GATM: variants seen among roughly 807,000 people sequenced by gnomAD.
GATM encodes the protein glycine amidinotransferase, mitochondrial.
In GATM, 23 loss-of-function variants were observed where a neutral mutation model predicts 54.2. The ratio of observed to expected loss-of-function variants is 0.42; its 90% CI spans 0.31 to 0.60. The LOEUF (loss-of-function observed/expected upper bound fraction) is 0.60, where lower values mean the gene tolerates loss of function less well. Ranked by LOEUF, GATM falls within the 20% of genes least tolerant of loss-of-function variation. The probability of loss-of-function intolerance (pLI) is 0.14; values close to 1 mark genes in which losing one functional copy is unlikely to be tolerated. For synonymous variants in GATM, 168 were observed against 183.1 expected, an observed-to-expected ratio of 0.92 and a Z score of 0.67; for missense variants, 401 against 544.9, an observed-to-expected ratio of 0.74 and a Z score of 2.63.
At chr15:45,396,725 C>T (rs182070721) in intron 3 of GATM, among the ~76,000 whole-genome samples, 40 of 151,878 alleles carry the variant, frequency 2.6e-4, no homozygotes, top group Admixed American at 1.6e-3. Flanking sequence ...AAAAATTAGC[C>T]GGGCGTGGCA....
chr15:45,378,169 C>T (rs896169624), intron 1 of GATM: 4 of 481,382 alleles, frequency 8.3e-6, no homozygotes, highest in South Asian at 2.9e-5. Context: ...AACGCAAGTT[C>T]CCCCTGACTG....
chr15:45,402,046 C>A (rs1013361685), exon 1 of GATM: 9 of 216,948 alleles, frequency 4.1e-5, no homozygotes, highest in African/African-American at 2.1e-4. Context: ...GGCGGTAGTA[C>A]TGATGCTCCA....
chr15:45,374,209 T>C (rs1311508783), intron 2 of GATM, among the ~76,000 whole-genome samples: 1 of 152,222 alleles, frequency 6.6e-6, no homozygotes. Flanking sequence ...CAAGTTTTTA[T>C]CAAATACCTA....
At chr15:45,387,087 G>A (rs1889812702) in intron 3 of GATM, among the ~76,000 whole-genome samples, 1 of 152,232 alleles carries the variant, frequency 6.6e-6, no homozygotes, top group Non-Finnish European at 1.5e-5. Context: ...GATGGAAATG[G>A]AATGACCTGT....
intron 3 of GATM, among the ~76,000 whole-genome samples, chr15:45,387,486 AG>A (rs1889816584): frequency 6.6e-6 from 1 of 152,020 alleles, no homozygotes; most frequent in Non-Finnish European, 1.5e-5. Context: ...TAACATCTCC[AG>A]AAGAATGAAG....
upstream of GATM, chr15:45,378,696 C>A: frequency 2.6e-6 from 1 of 389,502 alleles, no homozygotes. Context: ...TGGCTCGAGC[C>A]TCCGATGCTT....
intron 3 of GATM, among the ~76,000 whole-genome samples, chr15:45,391,422 A>C (rs1889873273): frequency 6.6e-6 from 1 of 152,182 alleles, no homozygotes; most frequent in South Asian, 2.1e-4. Flanking sequence ...AAAAAACAAC[A>C]ACAACAAAAA....
rs187996576 is a variant in GATM, at chr15:45,365,059, T to C, written c.979-199A>G. ...TAAAAATGTACATAAAATCCCCAGATTAAAGTTAAAAAGTAACAGAAATGT... is the reference window on the plus strand; with the variant it reads ...TAAAAATGTACATAAAATCCCCAGACTAAAGTTAAAAAGTAACAGAAATGT... On this transcript the variant is annotated intron_variant, in intron 6 of 8. Transcript: ENST00000396659. 1.1e-3 allele frequency among the ~76,000 whole-genome samples: 170 copies of C among 152,336 alleles called. 2 individuals are homozygous for C. The highest frequency in any genetic ancestry group is 3.6e-3 in the African/African-American group (148 of 41,568).
Position 45,366,501 on chromosome 15 carries a change from G to C in GATM, c.683C>G (p.Pro228Arg). Reference sequence around the variant, plus strand: ...GTGTCTGTCTTCTACAGAGTGGATGGGATAATCCTAATTGGAACAAGAATG... The same window carrying C: ...GTGTCTGTCTTCTACAGAGTGGATGCGATAATCCTAATTGGAACAAGAATG... ...MADELYNQDY[P>R]IHSVEDRHKL... Residue 228 changes from proline to arginine, a missense_variant, in exon 5 of 9, where the codon CCC becomes CGC. Physicochemically the swap from Pro to Arg is moderately radical, Grantham distance 103. Coordinates refer to ENST00000396659, the MANE Select transcript of GATM (RefSeq NM_001482.3). 6.2e-7 allele frequency: 1 copy of C among 1,613,868 alleles called. No homozygotes were observed. The highest frequency in any genetic ancestry group is 8.5e-7 in the Non-Finnish European group (1 of 1,179,958).
At chr15:45,396,558 T>C (rs1022365611) in intron 3 of GATM, among the ~76,000 whole-genome samples, 3 of 152,166 alleles carry the variant, frequency 2.0e-5, no homozygotes, top group Middle Eastern at 3.4e-3. Flanking sequence ...TCCAAAGGTA[T>C]GGTATAGTCA....
At position 45,363,903 on chromosome 15, in the gene GATM, G is replaced by C; in HGVS notation, c.1156C>G (p.Leu386Val). ...EVPIQKMFEK[L>V]GITTIKVNIR... ...ATGTTTCATTTGTTGTACATACCCA[G>C]CTTTTCAAACATCTTTTGAATTGGA... is the stretch of plus-strand genomic sequence containing the variant. The change falls in exon 8 of 9, where the codon CTG (leucine) becomes GTG (valine). Residue 386 changes from leucine (L) to valine (V), a missense_variant. By Grantham distance (32) the Leu-to-Val change is conservative. Around this residue, in one of 3 missense-constraint regions of GATM, gnomAD observed 321 missense variants for 457.5 expected, o/e 0.70. Coordinates refer to ENST00000396659, the MANE Select transcript of GATM (RefSeq NM_001482.3). The C allele has an allele frequency of 6.3e-7, 1 of 1,585,466 alleles. No individual in the cohort carries two copies. The highest frequency in any genetic ancestry group is 1.7e-5 in the Admixed American group (1 of 59,960).
chr15:45,397,673 A>G (rs1021428145), intron 2 of GATM, among the ~76,000 whole-genome samples: 1 of 152,200 alleles, frequency 6.6e-6, no homozygotes, highest in Non-Finnish European at 1.5e-5. Context: ...TCCATGAGCC[A>G]TCCTAGTAAA....
chr15:45,378,434 A>G lies in GATM; in HGVS notation c.20T>C (p.Leu7Pro). 1 of 1,501,906 alleles carries G rather than the reference A, an allele frequency of 6.7e-7. No homozygotes were observed. The allele number at this position is 1,501,906 out of a possible 1,614,324, so 93.0% of individuals were successfully genotyped here. A position where few individuals can be genotyped will look rare whatever the true frequency, so the allele number is the denominator to read the frequency against. The change falls in exon 1 of 9, where the codon CTG becomes CCG. Residue 7 changes from leucine to proline, a missense_variant. By Grantham distance (98) the Leu-to-Pro change is moderately conservative. Transcript: ENST00000396659. ...CTCGGCGCCGCGGCTCCCGCCGCGC[A>G]GACACCGCACCCGCAGCATCGCCCT... MLRVRC[L>P]RGGSRGAEAV...
chr15:45,377,327 T>C (rs1889656207), intron 1 of GATM: 1 of 436,218 alleles, frequency 2.3e-6, no homozygotes, highest in East Asian at 7.0e-5. Flanking sequence ...GGACCTTATC[T>C]TTCAGAATAA....
intron 3 of GATM, among the ~76,000 whole-genome samples, chr15:45,392,928 A>G (rs1288212381): frequency 6.6e-6 from 1 of 152,244 alleles, no homozygotes; most frequent in Non-Finnish European, 1.5e-5. Flanking sequence ...TATGGTGATG[A>G]CATAGAACAA....
Position 45,392,096 on chromosome 15 carries a change from C to G in GATM, c.-319+4826G>C, listed in dbSNP as rs115961195. Reference sequence around the variant, plus strand: ...TAATAAGGATAATAATAGCATGTAACTCATAGAGTTATGATTAAATGAATT... The same window carrying G: ...TAATAAGGATAATAATAGCATGTAAGTCATAGAGTTATGATTAAATGAATT... On this transcript the variant is annotated intron_variant, in intron 3 of 4. Transcript: ENST00000561148. Among the ~76,000 whole-genome samples the G allele has an allele frequency of 3.3e-3, 508 of 152,272 alleles. 1 individual carries two copies. Among genetic ancestry groups the G allele is most frequent in the African/African-American group, 0.012 (485 of 41,540 alleles).
Position 45,377,596 on chromosome 15 carries a change from C to T in GATM, c.70-777G>A, listed in dbSNP as rs146847708. On this transcript the variant is annotated intron_variant, in intron 1 of 8. Transcript: ENST00000396659. ...CAACCCCTGAGCAAACCTCAACCCCCCAAATCTCTATCCTGCTCTGTTAAA... is the reference window on the plus strand; with the variant it reads ...CAACCCCTGAGCAAACCTCAACCCCTCAAATCTCTATCCTGCTCTGTTAAA... 5.6e-3 allele frequency: 1,532 copies of T among 274,738 alleles called. 22 individuals are homozygous for T. The highest frequency in any genetic ancestry group is 0.033 in the African/African-American group (1,467 of 43,954). 17.0% of individuals were successfully genotyped at this position (274,738 alleles called of 1,614,324 possible).
At chr15:45,375,260 G>A (rs953358725) in intron 2 of GATM, among the ~76,000 whole-genome samples, 6 of 152,004 alleles carry the variant, frequency 3.9e-5, no homozygotes, top group South Asian at 2.1e-4. Flanking sequence ...TAGTGGAGAC[G>A]GGGTTTCACC....
In GATM at chr15:45,363,471, T is replaced by C. The variant is rs573918341; in HGVS notation, c.1159+429A>G. Reference sequence around the variant, plus strand: ...TTGCATTTCGCTACTTTGTTAACTATGCTTATCACACATAAAAGTCACTTC... The same window carrying C: ...TTGCATTTCGCTACTTTGTTAACTACGCTTATCACACATAAAAGTCACTTC... On this transcript the variant is annotated intron_variant, in intron 8 of 8. Coordinates refer to ENST00000396659, the MANE Select transcript of GATM (RefSeq NM_001482.3). 2.6e-5 allele frequency among the ~76,000 whole-genome samples: 4 copies of C among 152,344 alleles called. No homozygotes were observed. The South Asian group carries it at 6.2e-4, about 24-fold the overall frequency.
Sources: allele counts gnomAD v4.1 joint callset (sites outside exome capture counted in the v4.1 genomes callset), GRCh38; gene constraint gnomAD v4.1.1; regional missense constraint gnomAD v4.1.1; transcripts MANE v1.5; gene names NCBI Gene and HGNC (gene_info 2026-07-23, HGNC 2026-07-21).